The following FIG4 variants were observed in gnomAD, a reference collection of about 807,000 sequenced individuals.
FIG4 encodes FIG4 phosphoinositide 5-phosphatase.
In FIG4, 112 loss-of-function variants were observed where a neutral mutation model predicts 118.6. That is an observed-to-expected ratio of 0.94 (90% CI 0.81 to 1.11). The LOEUF (loss-of-function observed/expected upper bound fraction) is 1.11. FIG4 is among the 50% of genes least tolerant of loss of function. The pLI is 0.00. For synonymous variants in FIG4, 369 were observed against 381.2 expected (o/e 0.97, Z 0.37); for missense variants, 969 against 1,111.7 (o/e 0.87, Z 1.83).
At chr6:109,738,257 A>T in intron 6 of FIG4, 68 bp from the exon 7 acceptor site, 1 of 1,362,200 alleles carries the variant, frequency 7.3e-7, no homozygotes, top group Non-Finnish European at 1.0e-6. Flanking sequence ...TTCTGATACC[A>T]ACCTTTTTTT....
chr6:109,775,002 T>A (rs933761829), intron 15 of FIG4, among the ~76,000 whole-genome samples: 1 of 152,246 alleles, frequency 6.6e-6, no homozygotes, highest in African/African-American at 2.4e-5. Context: ...AATTGTTATA[T>A]TTAAACCTGA....
At chr6:109,714,484 A>T (rs188889736) in intron 1 of FIG4, among the ~76,000 whole-genome samples, 1 of 152,318 alleles carries the variant, frequency 6.6e-6, no homozygotes, top group African/African-American at 2.4e-5. Context: ...GATTGTGTTT[A>T]GTCAGAACGC....
At chr6:109,691,782 A>T (rs976770839) in intron 1 of FIG4, among the ~76,000 whole-genome samples, 2 of 152,194 alleles carry the variant, frequency 1.3e-5, no homozygotes, top group African/African-American at 4.8e-5. Context: ...GGAACTGTTC[A>T]TGAGGTTCTC....
chr6:109,736,660 G>T (rs1776167430), intron 6 of FIG4, among the ~76,000 whole-genome samples: 1 of 152,130 alleles, frequency 6.6e-6, no homozygotes, highest in African/African-American at 2.4e-5. Context: ...AGCCTCCAAT[G>T]CTACTAAATT....
chr6:109,743,577 T>G lies in FIG4; in HGVS notation c.1040-98T>G, dbSNP rs2295836. Reference sequence around the variant, plus strand: ...TTGGGAAGTGAAACTATTGAAAGATTAGTTGAATTGCATTTCTTTAAAAAA... The same window carrying G: ...TTGGGAAGTGAAACTATTGAAAGATGAGTTGAATTGCATTTCTTTAAAAAA... On this transcript the variant is annotated intron_variant, in intron 9 of 22. Transcript: ENST00000230124. 0.062 allele frequency: 53,191 copies of G among 860,986 alleles called. 3,485 individuals carry two copies. The highest frequency in any genetic ancestry group is 0.24 in the African/African-American group (14,682 of 60,928). The allele number at this position is 860,986 out of a possible 1,614,324, so 53.3% of individuals were successfully genotyped here. A position where few individuals can be genotyped will look rare whatever the true frequency, so the allele number is the denominator to read the frequency against.
At chr6:109,730,923 A>C (rs1775981696) in intron 4 of FIG4, among the ~76,000 whole-genome samples, 1 of 152,164 alleles carries the variant, frequency 6.6e-6, no homozygotes, top group South Asian at 2.1e-4. Flanking sequence ...TTTATAATCT[A>C]GACAAATTTT....
At chr6:109,767,006 A>G (rs1484915211) in intron 15 of FIG4, 111 bp downstream of exon 15, 1 of 876,956 alleles carries the variant, frequency 1.1e-6, no homozygotes, top group South Asian at 1.5e-5. Flanking sequence ...TTAAAAGTTT[A>G]AATAAAACAG....
chr6:109,820,697 G>C (rs1212177444), intron 22 of FIG4, among the ~76,000 whole-genome samples: 1 of 151,972 alleles, frequency 6.6e-6, no homozygotes, highest in Non-Finnish European at 1.5e-5. Context: ...CTGGAAGAAG[G>C]CAGCAGCAGC....
At chr6:109,704,982 C>T (rs1344098776) in intron 1 of FIG4, among the ~76,000 whole-genome samples, 1 of 152,050 alleles carries the variant, frequency 6.6e-6, no homozygotes, top group African/African-American at 2.4e-5. Context: ...AAGCATCTAT[C>T]AGGAGTGGGG....
rs1472085480 is a variant in FIG4 at position 109,825,097 on chromosome 6, C to T, written c.2556C>T (p.Ile852=). The part of the protein sequence containing the change: ...CSDGVIKLTP[I]SAFSQDNIYE... ...TATTCATCTTTTATAGAACACCCAT[C>T]TCGGCTTTCTCGCAAGATAACATCT... Residue 852 remains isoleucine, a synonymous_variant, in exon 23 of 23, where the codon ATC becomes ATT. Coordinates refer to ENST00000230124, the MANE Select transcript of FIG4 (RefSeq NM_014845.6). 1.9e-6 allele frequency: 3 copies of T among 1,613,552 alleles called. No individual in the cohort carries two copies. Among genetic ancestry groups the T allele is most frequent in the African/African-American group, 2.7e-5 (2 of 74,924 alleles).
intron 12 of FIG4, among the ~76,000 whole-genome samples, chr6:109,762,644 G>T (rs1328441897): frequency 6.6e-6 from 1 of 150,824 alleles, no homozygotes; most frequent in African/African-American, 2.4e-5. Flanking sequence ...TATCTTTTAA[G>T]AAACCAATAC....
intron 1 of FIG4, among the ~76,000 whole-genome samples, chr6:109,707,399 A>G (rs1353243724): frequency 6.7e-6 from 1 of 148,328 alleles, no homozygotes; most frequent in Non-Finnish European, 1.5e-5. Context: ...ATATGTATAC[A>G]TACATATACA....
At chr6:109,691,736 T>A (rs1774435182) in intron 1 of FIG4, among the ~76,000 whole-genome samples, 1 of 152,208 alleles carries the variant, frequency 6.6e-6, no homozygotes, top group Non-Finnish European at 1.5e-5. Flanking sequence ...AAGCCATGGC[T>A]GGAACACGCT....
chr6:109,714,429 A>G (rs917476212), intron 1 of FIG4, among the ~76,000 whole-genome samples: 1 of 152,184 alleles, frequency 6.6e-6, no homozygotes, highest in East Asian at 1.9e-4. Flanking sequence ...CTAGTCAGCC[A>G]TCTTGCCCAG....
chr6:109,760,690 A>G (rs184523920), intron 11 of FIG4, among the ~76,000 whole-genome samples: 15 of 152,298 alleles, frequency 9.8e-5, no homozygotes, highest in Admixed American at 7.2e-4. Context: ...ACACTTTCTC[A>G]GATGTCACTC....
chr6:109,796,821 G>C lies in FIG4; in HGVS notation c.2516G>C (p.Cys839Ser), dbSNP rs763291639. ...CAAGACAAGAATAGCCAGCAGCCCT[G>C]TTCTAGGTGCTCAGATGGAGTTATA... ...HKQDKNSQQP[C>S]SRCSDGVIKL... The change falls in exon 22 of 23, where the codon TGT becomes TCT. Residue 839 changes from cysteine to serine, a missense_variant. By Grantham distance (112) the Cys-to-Ser change is moderately radical. Around this residue, in one of 3 missense-constraint regions of FIG4, gnomAD observed 330 missense variants for 348.1 expected, o/e 0.95. Transcript: ENST00000230124. 1 of 1,609,794 alleles carries C rather than the reference G, an allele frequency of 6.2e-7. No homozygotes were observed. The highest frequency in any genetic ancestry group is 8.5e-7 in the Non-Finnish European group (1 of 1,176,042).
chr6:109,733,321 T>TATTA (rs1562651857), intron 5 of FIG4, among the ~76,000 whole-genome samples: 1 of 152,120 alleles, frequency 6.6e-6, no homozygotes, highest in Non-Finnish European at 1.5e-5. Flanking sequence ...GCAAGTAGAT[T>TATTA]ATTACAGCAT....
At position 109,735,151 on chromosome 6, in the gene FIG4, T is replaced by A. The variant is rs1337166091; in HGVS notation, c.499T>A (p.Tyr167Asn). The change falls in exon 6 of 23, where the codon TAC becomes AAC. Residue 167 changes from tyrosine (Y) to asparagine (N), a missense_variant and splice_region_variant. Physicochemically the swap from Tyr to Asn is moderately radical, Grantham distance 143 (BLOSUM62 -2). Transcript: ENST00000230124. Reference protein sequence around the residue: ...VDLSSNFYFSYSYDLSHSLQY... With the variant: ...VDLSSNFYFSNSYDLSHSLQY... ...ATTAAGTTTCAATTCTGTTCTCAGTTACAGCTATGATTTGTCCCACTCACT... is the reference window on the plus strand; with the variant it reads ...ATTAAGTTTCAATTCTGTTCTCAGTAACAGCTATGATTTGTCCCACTCACT... 2 of 1,612,148 alleles carry A rather than the reference T, an allele frequency of 1.2e-6. No homozygotes were observed. Among genetic ancestry groups the A allele is most frequent in the East Asian group, 2.2e-5 (1 of 44,834 alleles).
intron 1 of FIG4, among the ~76,000 whole-genome samples, chr6:109,710,422 T>G (rs1248576483): frequency 6.6e-6 from 1 of 152,230 alleles, no homozygotes; most frequent in Non-Finnish European, 1.5e-5. Flanking sequence ...TTTCTTTTTT[T>G]GTTGTATCTC....
Sources: allele counts gnomAD v4.1 joint callset (sites outside exome capture counted in the v4.1 genomes callset), GRCh38; gene constraint gnomAD v4.1.1; regional missense constraint gnomAD v4.1.1; transcripts MANE v1.5; gene names NCBI Gene and HGNC (gene_info 2026-07-23, HGNC 2026-07-21).